MEGF11: variants seen among roughly 807,000 people sequenced by gnomAD.
MEGF11 encodes the protein multiple epidermal growth factor-like domains protein 11.
Under a neutral mutation model 146.6 loss-of-function variants are expected in MEGF11, and 126 were observed. That is an observed-to-expected ratio of 0.86 (90% CI 0.74 to 1.00). The LOEUF (loss-of-function observed/expected upper bound fraction) is 1.00, where lower values mean the gene tolerates loss of function less well. MEGF11 is among the 50% of genes least tolerant of loss of function. MEGF11 has a pLI of 0.00. For missense variants in MEGF11, 1,509 were observed against 1,521.2 expected, an observed-to-expected ratio of 0.99 and a Z score of 0.13; for synonymous variants, 532 against 583.4, an observed-to-expected ratio of 0.91 and a Z score of 1.27.
intron 13 of MEGF11, among the ~76,000 whole-genome samples, chr15:65,926,642 G>GC (rs1336247032): frequency 6.6e-6 from 1 of 152,126 alleles, no homozygotes; most frequent in African/African-American, 2.4e-5. Context: ...TCTCTCATTG[G>GC]CCCCCTTCTG....
intron 5 of MEGF11, among the ~76,000 whole-genome samples, chr15:66,025,944 G>C (rs893889777): frequency 6.6e-6 from 1 of 152,196 alleles, no homozygotes; most frequent in Non-Finnish European, 1.5e-5. Flanking sequence ...AAAGGGCAGG[G>C]CAGTCAGGAG....
At chr15:66,135,367 T>A (rs965771252) in intron 1 of MEGF11, among the ~76,000 whole-genome samples, 3 of 152,228 alleles carry the variant, frequency 2.0e-5, no homozygotes, top group Non-Finnish European at 4.4e-5. Flanking sequence ...TCATCTTTCA[T>A]CCATCCCCTC....
At chr15:66,051,129 C>T (rs1250539144) in intron 5 of MEGF11, among the ~76,000 whole-genome samples, 1 of 152,224 alleles carries the variant, frequency 6.6e-6, no homozygotes, top group Non-Finnish European at 1.5e-5. Flanking sequence ...TCCATTATTT[C>T]ATGGGAGTCT....
intron 9 of MEGF11, among the ~76,000 whole-genome samples, chr15:65,962,060 A>T (rs758649811): frequency 6.6e-6 from 1 of 152,250 alleles, no homozygotes; most frequent in Non-Finnish European, 1.5e-5. Flanking sequence ...AGACAGAGAT[A>T]GGTTTGAGGG....
chr15:65,967,874 G>A (rs376685977), intron 8 of MEGF11, among the ~76,000 whole-genome samples: 6 of 152,262 alleles, frequency 3.9e-5, no homozygotes, highest in African/African-American at 1.4e-4. Context: ...CCCGGGCACC[G>A]TATACTGAGG....
intron 5 of MEGF11, among the ~76,000 whole-genome samples, chr15:66,029,555 AGAG>A (rs1231676937): frequency 6.6e-6 from 1 of 152,198 alleles, no homozygotes; most frequent in Non-Finnish European, 1.5e-5. Context: ...CAGCAGGAAA[AGAG>A]GAGAGGAAAG....
rs1010786556 is a variant in MEGF11 at position 65,895,778 on chromosome 15, A to C, written c.*2156T>G. 6.6e-6 allele frequency: 1 copy of C among 152,342 alleles called. No individual in the cohort carries two copies. The highest frequency in any genetic ancestry group is 2.4e-5 in the African/African-American group (1 of 41,350). 9.4% of individuals were successfully genotyped at this position (152,342 alleles called of 1,614,324 possible). ...GAAGGGTTAGTAGAGCTGTCTTCCC[A>C]CTCTCTGCTTCTCCCCTTTTTATGC... is the stretch of plus-strand genomic sequence containing the variant. On this transcript the variant is annotated 3_prime_UTR_variant, in exon 26 of 26. Coordinates refer to ENST00000395614, the MANE Select transcript of MEGF11 (RefSeq NM_001385028.1).
At chr15:66,154,016 C>T (rs1005657960) in intron 1 of MEGF11, among the ~76,000 whole-genome samples, 43 of 152,274 alleles carry the variant, frequency 2.8e-4, no homozygotes, top group African/African-American at 9.9e-4. Context: ...CACAGCTCCC[C>T]GAGCATGGCC....
At chr15:65,915,641 C>A in intron 18 of MEGF11, 43 bp from the exon 19 acceptor site, 2 of 1,599,488 alleles carry the variant, frequency 1.3e-6, no homozygotes, top group Non-Finnish European at 1.7e-6. Context: ...CACTCACTCT[C>A]CACCCCTCCC....
chr15:65,923,217 G>A (rs1362535538), intron 13 of MEGF11, among the ~76,000 whole-genome samples: 1 of 152,204 alleles, frequency 6.6e-6, no homozygotes, highest in Non-Finnish European at 1.5e-5. Flanking sequence ...AGAGCAGGAG[G>A]CAGGAGAAAG....
Position 65,957,618 on chromosome 15 carries a change from G to A in MEGF11, c.1216C>T (p.Pro406Ser), listed in dbSNP as rs1471200471. 1 of 1,613,978 alleles carries A rather than the reference G, an allele frequency of 6.2e-7. No homozygotes were observed. The highest frequency in any genetic ancestry group is 1.7e-5 in the Admixed American group (1 of 60,036). ...TCGGCGCCATTCTGACAGGTGCAAGGCAGCTGGCAGCCATCGCCATAGTAG... is the reference window on the plus strand; with the variant it reads ...TCGGCGCCATTCTGACAGGTGCAAGACAGCTGGCAGCCATCGCCATAGTAG... Reference protein sequence around the residue: ...VGYYGDGCQLPCTCQNGADCH... With the variant: ...VGYYGDGCQLSCTCQNGADCH... The change falls in exon 10 of 26, where the codon CCT (proline) becomes TCT (serine). Residue 406 changes from proline (P) to serine (S), a missense_variant. Coordinates refer to ENST00000395614, the MANE Select transcript of MEGF11 (RefSeq NM_001385028.1).
chr15:66,083,987 A>G (rs940937875), intron 5 of MEGF11, among the ~76,000 whole-genome samples: 3 of 152,224 alleles, frequency 2.0e-5, no homozygotes, highest in African/African-American at 7.2e-5. Flanking sequence ...AACAGGAGAA[A>G]ATATCTGCAA....
chr15:65,927,615 G>A lies in MEGF11; in HGVS notation c.1675+810C>T, dbSNP rs145772919. ...GGAAGTGCCTTCCCAGAGGAAGAAA[G>A]CTTTACATTGAAATCTGGTAGACAA... On this transcript the variant is annotated intron_variant, in intron 13 of 25. Coordinates refer to ENST00000395614, the MANE Select transcript of MEGF11 (RefSeq NM_001385028.1). 3.7e-4 allele frequency among the ~76,000 whole-genome samples: 56 copies of A among 152,312 alleles called. 2 individuals carry two copies. The highest frequency in any genetic ancestry group is 1.2e-3 in the African/African-American group (51 of 41,570).
intron 1 of MEGF11, among the ~76,000 whole-genome samples, chr15:66,132,147 T>C (rs923301225): frequency 1.3e-5 from 2 of 152,196 alleles, no homozygotes; most frequent in East Asian, 1.9e-4. Context: ...ATCTTAGAGA[T>C]GGCAGCATCC....
At chr15:66,252,910 G>C (rs531857120) in intron 1 of MEGF11, among the ~76,000 whole-genome samples, 1 of 152,176 alleles carries the variant, frequency 6.6e-6, no homozygotes, top group Non-Finnish European at 1.5e-5. Context: ...TTGGGAGCCA[G>C]GGTCGCAGTC....
intron 4 of MEGF11, among the ~76,000 whole-genome samples, chr15:66,096,610 G>A (rs1567238446): frequency 6.6e-6 from 1 of 152,216 alleles, no homozygotes; most frequent in Non-Finnish European, 1.5e-5. Context: ...CAGCAGAGGG[G>A]TGCTGTGACA....
chr15:66,195,659 C>T (rs1353806344), intron 1 of MEGF11, among the ~76,000 whole-genome samples: 3 of 152,186 alleles, frequency 2.0e-5, no homozygotes, highest in African/African-American at 2.4e-5. Flanking sequence ...GGAAATGAGA[C>T]GGGGAAGCAT....
intron 5 of MEGF11, among the ~76,000 whole-genome samples, chr15:66,037,145 G>A (rs540629289): frequency 1.3e-5 from 2 of 152,342 alleles, no homozygotes; most frequent in South Asian, 4.1e-4. Context: ...CCTCAGTGAT[G>A]CTGGGAGGGT....
At chr15:65,917,278 G>A (rs964439215) in intron 16 of MEGF11, among the ~76,000 whole-genome samples, 3 of 152,126 alleles carry the variant, frequency 2.0e-5, no homozygotes, top group Non-Finnish European at 2.9e-5. Flanking sequence ...GTGGTTTACC[G>A]TGTATGTACT....
Sources: gnomAD v4.1 joint callset for allele counts (sites outside exome capture counted in the v4.1 genomes callset) on GRCh38, gnomAD v4.1.1 for gene constraint, MANE v1.5 for transcripts, NCBI Gene and HGNC (gene_info 2026-07-23, HGNC 2026-07-21) for gene names.